The following RSU1 variants were observed in gnomAD, a reference collection of about 807,000 sequenced individuals.
The protein encoded by RSU1 is Ras suppressor protein 1.
In RSU1, 26 loss-of-function variants were observed where a neutral mutation model predicts 31.1. The observed-to-expected ratio is 0.84, with a 90% confidence interval of 0.61 to 1.16. RSU1 has a LOEUF of 1.16. RSU1 is among the 50% of genes most tolerant of loss of function. RSU1 has a pLI of 0.00. For synonymous variants in RSU1, 164 were observed against 136.3 expected, an observed-to-expected ratio of 1.20 and a Z score of -1.41; for missense variants, 320 against 339.1, an observed-to-expected ratio of 0.94 and a Z score of 0.44.
chr10:16,594,257 C>A (rs184015620), intron 8 of RSU1, among the ~76,000 whole-genome samples: 62 of 152,302 alleles, frequency 4.1e-4, no homozygotes, highest in Middle Eastern at 3.4e-3. Flanking sequence ...CAAGGGCATA[C>A]CCGGCTCCAC....
intron 8 of RSU1, among the ~76,000 whole-genome samples, chr10:16,636,338 C>A (rs1834344581): frequency 6.6e-6 from 1 of 152,108 alleles, no homozygotes; most frequent in South Asian, 2.1e-4. Flanking sequence ...AGTCGCTCAG[C>A]TAAAATATAA....
At chr10:16,775,572 C>G (rs1457083790) in intron 3 of RSU1, among the ~76,000 whole-genome samples, 1 of 152,192 alleles carries the variant, frequency 6.6e-6, no homozygotes, top group Non-Finnish European at 1.5e-5. Context: ...ATGCCACCGG[C>G]AGGACACGTC....
intron 8 of RSU1, among the ~76,000 whole-genome samples, chr10:16,685,623 C>T (rs1474734367): frequency 1.3e-5 from 2 of 149,218 alleles, no homozygotes; most frequent in Non-Finnish European, 2.9e-5. Flanking sequence ...CCAGAGGTTA[C>T]TCTCATCGCC....
rs1554767079 is a variant in RSU1 at position 16,695,167 on chromosome 10, G to GAA, written c.599-14_599-13dup. ...TAAATCCAAGTTTCCTGGGGGGGGG[G>GAA]AAAAAAAAAGTGAAGGTCACTTCAT... On this transcript the variant is annotated splice_polypyrimidine_tract_variant and intron_variant, in intron 7 of 8. Coordinates refer to ENST00000345264, the MANE Select transcript of RSU1 (RefSeq NM_012425.4). The GAA allele has an allele frequency of 9.5e-3, 12,576 of 1,318,240 alleles. 125 individuals are homozygous for GAA. Among genetic ancestry groups the GAA allele is most frequent in the Middle Eastern group, 0.071 (348 of 4,874 alleles). The allele number at this position is 1,318,240 out of a possible 1,614,324, so 81.7% of individuals were successfully genotyped here. A position where few individuals can be genotyped will look rare whatever the true frequency, so the allele number is the denominator to read the frequency against.
chr10:16,650,114 A>T (rs1834654696), intron 8 of RSU1, among the ~76,000 whole-genome samples: 1 of 152,172 alleles, frequency 6.6e-6, no homozygotes, highest in Admixed American at 6.5e-5. Context: ...AATCTGTAAG[A>T]ATGGAATCAC....
At chr10:16,646,061 TACACACAC>T (rs57414227) in intron 8 of RSU1, among the ~76,000 whole-genome samples, 1,463 of 78,942 alleles carry the variant, frequency 0.019, 242 homozygotes, top group African/African-American at 0.043. Flanking sequence ...TATATATATA[TACACACAC>T]ACACACACAC....
At chr10:16,758,764 C>A (rs1308589567) in intron 4 of RSU1, among the ~76,000 whole-genome samples, 1 of 152,166 alleles carries the variant, frequency 6.6e-6, no homozygotes, top group Non-Finnish European at 1.5e-5. Context: ...TGATTTAGCC[C>A]TAAGCGAGCA....
Position 16,605,051 on chromosome 10 carries a change from C to G in RSU1, c.732-11555G>C, listed in dbSNP as rs954755705. ...GACGGAGAGAGACTGGGCCTAAGGA[C>G]ATTGTGTGGGTCCCAATGCCTGAAG... On this transcript the variant is annotated intron_variant, in intron 8 of 8. Transcript: ENST00000345264. Among the ~76,000 whole-genome samples the G allele has an allele frequency of 9.2e-5, 14 of 152,194 alleles. 1 individual carries two copies. Among genetic ancestry groups the G allele is most frequent in the Admixed American group, 6.5e-4 (10 of 15,280 alleles).
chr10:16,634,683 T>A (rs1429616234), intron 8 of RSU1, among the ~76,000 whole-genome samples: 1 of 152,186 alleles, frequency 6.6e-6, no homozygotes, highest in Non-Finnish European at 1.5e-5. Context: ...TCCATTACCA[T>A]TTGGCACAAT....
chr10:16,788,719 C>A (rs768729110), intron 2 of RSU1, among the ~76,000 whole-genome samples: 1 of 152,198 alleles, frequency 6.6e-6, no homozygotes, highest in Non-Finnish European at 1.5e-5. Context: ...ACATTCCTCT[C>A]AGGAAAAAGG....
intron 8 of RSU1, among the ~76,000 whole-genome samples, chr10:16,686,982 G>C (rs1250204536): frequency 6.6e-6 from 1 of 152,124 alleles, no homozygotes; most frequent in Non-Finnish European, 1.5e-5. Context: ...TTTCTCACTG[G>C]TCAAACCTGA....
At chr10:16,674,674 C>T (rs10752059) in intron 8 of RSU1, among the ~76,000 whole-genome samples, 72,526 of 151,844 alleles carry the variant, frequency 0.48, 17,651 homozygotes, top group East Asian at 0.61. Context: ...ATGGAAAAAA[C>T]TTTGCTGAGA....
chr10:16,594,211 C>CA (rs142466203), intron 8 of RSU1, among the ~76,000 whole-genome samples: 1,695 of 152,240 alleles, frequency 0.011, 40 homozygotes, highest in African/African-American at 0.039. Flanking sequence ...ACTGTGTCTC[C>CA]AAGAGAGCCT....
chr10:16,797,853 C>CTT (rs1240589426), intron 2 of RSU1, among the ~76,000 whole-genome samples: 2 of 100,086 alleles, frequency 2.0e-5, no homozygotes, highest in African/African-American at 1.2e-4. Context: ...GTGGGGATTT[C>CTT]TTCTTTTTTT....
intron 8 of RSU1, among the ~76,000 whole-genome samples, chr10:16,653,137 C>G (rs1487433564): frequency 2.0e-5 from 3 of 152,194 alleles, no homozygotes; most frequent in Admixed American, 1.3e-4. Flanking sequence ...AAGGCTCTAA[C>G]AGTGCTCATG....
chr10:16,769,683 C>A (rs937420837), intron 3 of RSU1, among the ~76,000 whole-genome samples: 1 of 152,212 alleles, frequency 6.6e-6, no homozygotes, highest in Non-Finnish European at 1.5e-5. Flanking sequence ...CCTCTTTTGG[C>A]TCAGAAAACT....
rs932178756 is a variant in RSU1 at position 16,778,018 on chromosome 10, C to T, written c.160+4016G>A. Among the ~76,000 whole-genome samples the T allele has an allele frequency of 1.3e-4, 15 of 117,656 alleles. No homozygotes were observed. In the East Asian group the frequency reaches 1.9e-3, roughly 15 times the overall value. The allele number at this position is 117,656 out of a possible 152,430, so 77.2% of individuals were successfully genotyped here. ...ATTTATTGGACATAAGGTCATATAC[C>T]TTTTTTTTTTTTTTTTTTTTGAGAT... On this transcript the variant is annotated intron_variant, in intron 3 of 8. Transcript: ENST00000345264.
At chr10:16,788,652 C>G (rs1035551862) in intron 2 of RSU1, among the ~76,000 whole-genome samples, 20 of 152,306 alleles carry the variant, frequency 1.3e-4, no homozygotes, top group African/African-American at 4.8e-4. Context: ...ACGGCCAGAG[C>G]TGACTAAAAC....
chr10:16,744,077 C>A (rs1489176707), intron 7 of RSU1, among the ~76,000 whole-genome samples: 1 of 151,142 alleles, frequency 6.6e-6, no homozygotes, highest in Admixed American at 6.6e-5. Context: ...TTGTAGTGAG[C>A]CATGATCATG....
Sources: allele counts gnomAD v4.1 joint callset (sites outside exome capture counted in the v4.1 genomes callset), GRCh38; gene constraint gnomAD v4.1.1; transcripts MANE v1.5; gene names NCBI Gene and HGNC (gene_info 2026-07-23, HGNC 2026-07-21).